INPP5A: variants seen among roughly 807,000 people sequenced by gnomAD.
INPP5A encodes inositol polyphosphate-5-phosphatase A, also known as 43 kDa inositol polyphosphate 5-phophatase.
A neutral mutation model predicts 65.2 loss-of-function variants in INPP5A; 14 were observed. That is an observed-to-expected ratio of 0.21 (90% confidence interval 0.14 to 0.34). The LOEUF (loss-of-function observed/expected upper bound fraction) is 0.34, where lower values mean the gene tolerates loss of function less well. Among genes scored for constraint, INPP5A ranks in the 10% least tolerant of loss-of-function variants. INPP5A has a pLI of 1.00. For missense variants in INPP5A, 431 were observed against 545.6 expected (o/e 0.79, Z 2.09); for synonymous variants, 207 against 208.3 (o/e 0.99, Z 0.05).
chr10:132,646,974 C>G (rs1185267524), intron 3 of INPP5A, among the ~76,000 whole-genome samples: 1 of 152,202 alleles, frequency 6.6e-6, no homozygotes, highest in Non-Finnish European at 1.5e-5. Context: ...CGATCCCAGC[C>G]GCTGCATCCT....
chr10:132,688,984 C>T (rs1845205801), intron 4 of INPP5A, among the ~76,000 whole-genome samples: 2 of 151,944 alleles, frequency 1.3e-5, no homozygotes, highest in African/African-American at 4.8e-5. Context: ...TGTATGTGTG[C>T]AAGTGTGTGT....
At position 132,576,379 on chromosome 10, in the gene INPP5A, C is replaced by T. The variant is rs139755274; in HGVS notation, c.76-31536C>T. ...GACAGGTGCTGGGTGGCACCCCGAGCGGGTTTTCCTTTCAGGTGTGGGGCT... is the reference window on the plus strand; with the variant it reads ...GACAGGTGCTGGGTGGCACCCCGAGTGGGTTTTCCTTTCAGGTGTGGGGCT... On this transcript the variant is annotated intron_variant, in intron 1 of 15. Coordinates refer to ENST00000368594, the MANE Select transcript of INPP5A (RefSeq NM_005539.5). Among the ~76,000 whole-genome samples, 305 of 152,320 alleles carry T rather than the reference C, an allele frequency of 2.0e-3. 2 individuals carry two copies. The highest frequency in any genetic ancestry group is 5.2e-3 in the South Asian group (25 of 4,824).
chr10:132,610,594 G>C (rs529735084), intron 2 of INPP5A, among the ~76,000 whole-genome samples: 2 of 152,370 alleles, frequency 1.3e-5, no homozygotes, highest in South Asian at 4.1e-4. Flanking sequence ...CGCAGGTGTG[G>C]TGGGGAGACC....
chr10:132,758,116 C>A, intron 11 of INPP5A, among the ~76,000 whole-genome samples: 1 of 127,874 alleles, frequency 7.8e-6, no homozygotes, highest in East Asian at 2.5e-4. Flanking sequence ...CGTGGGTCCC[C>A]GGCCGACCCC....
At chr10:132,757,311 C>T (rs1846641235) in intron 11 of INPP5A, among the ~76,000 whole-genome samples, 1 of 152,282 alleles carries the variant, frequency 6.6e-6, no homozygotes, top group South Asian at 2.1e-4. Context: ...CCCGTCCCAG[C>T]CCTGCCAGCT....
At chr10:132,563,583 GA>G (rs2071233431) in intron 1 of INPP5A, among the ~76,000 whole-genome samples, 1 of 152,188 alleles carries the variant, frequency 6.6e-6, no homozygotes, top group African/African-American at 2.4e-5. Context: ...CTGTTACACT[GA>G]ATAACTTCAA....
chr10:132,608,431 G>A (rs1288819848), intron 2 of INPP5A, among the ~76,000 whole-genome samples: 1 of 152,366 alleles, frequency 6.6e-6, no homozygotes, highest in East Asian at 1.9e-4. Flanking sequence ...GGACCCCCCT[G>A]TCTAATATGG....
chr10:132,653,123 C>T lies in INPP5A; in HGVS notation c.306+2618C>T, dbSNP rs540999949. Among the ~76,000 whole-genome samples the T allele has an allele frequency of 1.1e-4, 16 of 152,318 alleles. No individual in the cohort carries two copies. In the East Asian group the frequency reaches 2.1e-3, roughly 20 times the overall value. ...GGGCCCTGGCCAGAGCAGGCCTCTC[C>T]GTCTGTCCGAGCCTGGCTGGGATAC... On this transcript the variant is annotated intron_variant, in intron 4 of 15. Coordinates refer to ENST00000368594, the MANE Select transcript of INPP5A (RefSeq NM_005539.5).
At chr10:132,563,293 C>A (rs1190054753) in intron 1 of INPP5A, among the ~76,000 whole-genome samples, 1 of 152,132 alleles carries the variant, frequency 6.6e-6, no homozygotes, top group Non-Finnish European at 1.5e-5. Flanking sequence ...CTTGGCCAAT[C>A]TGTTAGGGAA....
rs200818308 is a variant in INPP5A, at chr10:132,707,056, G to T, written c.475-1257G>T. Among the ~76,000 whole-genome samples the T allele has an allele frequency of 9.2e-5, 14 of 152,342 alleles. No individual in the cohort carries two copies. Among genetic ancestry groups the T allele is most frequent in the Admixed American group, 3.9e-4 (6 of 15,310 alleles). On this transcript the variant is annotated intron_variant, in intron 6 of 15. Transcript: ENST00000368594. The surrounding 1 kb of genome is among the most constrained non-coding windows in gnomAD (Gnocchi z 5.5). ...CAAAGGGAGAGCCTCTGATCACTGC[G>T]CTCTCCGTGTTAGATAGAGGGAGCA...
At chr10:132,745,033 G>A (rs575588370) in intron 9 of INPP5A, among the ~76,000 whole-genome samples, 29 of 152,326 alleles carry the variant, frequency 1.9e-4, no homozygotes, top group African/African-American at 3.4e-4. Context: ...GGGTGTGCCC[G>A]AGCCAGTGGC....
At chr10:132,589,752 C>G (rs974730894) in intron 1 of INPP5A, among the ~76,000 whole-genome samples, 4 of 152,272 alleles carry the variant, frequency 2.6e-5, no homozygotes, top group Admixed American at 2.0e-4. Flanking sequence ...AGAGAGCAGA[C>G]AGACCAGAGG....
At chr10:132,641,390 G>A (rs1245217705) in intron 2 of INPP5A, among the ~76,000 whole-genome samples, 1 of 152,178 alleles carries the variant, frequency 6.6e-6, no homozygotes, top group Non-Finnish European at 1.5e-5. Flanking sequence ...TCTCCTAGAT[G>A]GAGTTTATAA....
At chr10:132,746,378 G>T (rs921552684) in intron 9 of INPP5A, among the ~76,000 whole-genome samples, 1 of 152,240 alleles carries the variant, frequency 6.6e-6, no homozygotes, top group Admixed American at 6.5e-5. Flanking sequence ...AGTTGAGGGG[G>T]TGATGGGACA....
At chr10:132,691,766 C>CT (rs1197731887) in intron 5 of INPP5A, among the ~76,000 whole-genome samples, 1 of 152,238 alleles carries the variant, frequency 6.6e-6, no homozygotes, top group African/African-American at 2.4e-5. Flanking sequence ...GGCATGCAGA[C>CT]ACAGGAGGCG....
intron 5 of INPP5A, among the ~76,000 whole-genome samples, chr10:132,690,896 C>T (rs921193042): frequency 1.3e-5 from 2 of 152,154 alleles, no homozygotes; most frequent in Admixed American, 1.3e-4. Context: ...ACAAGCTGTC[C>T]CCTCCTGTTC....
In INPP5A at chr10:132,640,706, G is replaced by T. The variant is rs140858897; in HGVS notation, c.118-5162G>T. ...GCCACATGCTCCCATGGCAAAACCG[G>T]AGCCCCTGCTGATATGCCCTTGTAG... On this transcript the variant is annotated intron_variant, in intron 2 of 15. Transcript: ENST00000368594. 5.9e-5 allele frequency among the ~76,000 whole-genome samples: 9 copies of T among 152,388 alleles called. No individual in the cohort carries two copies. The East Asian group carries it at 1.7e-3, about 29-fold the overall frequency.
chr10:132,547,055 G>A lies in INPP5A; in HGVS notation c.75+8884G>A, dbSNP rs959163236. On this transcript the variant is annotated intron_variant, in intron 1 of 15. Coordinates refer to ENST00000368594, the MANE Select transcript of INPP5A (RefSeq NM_005539.5). The surrounding 1 kb of genome is among the most constrained non-coding windows in gnomAD (Gnocchi z 5.5). ...AGGAGATTGAAGAACCCGAGACTTG[G>A]CTTTGGCCCAAGTCCCTGTGGAGAG... Among the ~76,000 whole-genome samples, 5 of 152,212 alleles carry A rather than the reference G, an allele frequency of 3.3e-5. No individual in the cohort carries two copies. The highest frequency in any genetic ancestry group is 7.3e-5 in the Non-Finnish European group (5 of 68,034).
Position 132,551,475 on chromosome 10 carries a change from C to G in INPP5A, c.75+13304C>G, listed in dbSNP as rs2071048403. Among the ~76,000 whole-genome samples, 1 of 152,200 alleles carries G rather than the reference C, an allele frequency of 6.6e-6. No homozygotes were observed. Among genetic ancestry groups the G allele is most frequent in the African/African-American group, 2.4e-5 (1 of 41,446 alleles). ...GCCTGGGTGCAAAGTGGACCAGCCACTGTGGGTCATGTGGGGGGATTTGGG... is the reference window on the plus strand; with the variant it reads ...GCCTGGGTGCAAAGTGGACCAGCCAGTGTGGGTCATGTGGGGGGATTTGGG... On this transcript the variant is annotated intron_variant, in intron 1 of 15. Transcript: ENST00000368594. This position sits in a 1 kb window ranked among gnomAD's most constrained non-coding sequence, Gnocchi z 5.3.
Sources: allele counts gnomAD v4.1 joint callset (sites outside exome capture counted in the v4.1 genomes callset), GRCh38; gene constraint gnomAD v4.1.1; non-coding constraint Gnocchi (gnomAD v3.1); transcripts MANE v1.5; gene names NCBI Gene and HGNC (gene_info 2026-07-23, HGNC 2026-07-21).